The following USP24 variants were observed in gnomAD, a reference collection of about 807,000 sequenced individuals.
USP24 encodes ubiquitin specific peptidase 24, also known as ubiquitin carboxyl-terminal hydrolase 24.
Under a neutral mutation model 361.6 loss-of-function variants are expected in USP24, and 97 were observed. The ratio of observed to expected loss-of-function variants is 0.27; its 90% confidence interval spans 0.23 to 0.32. The LOEUF is 0.32. Among genes scored for constraint, USP24 ranks in the 10% least tolerant of loss-of-function variants. The probability of loss-of-function intolerance (pLI) is 1.00; values close to 1 mark genes in which losing one functional copy is unlikely to be tolerated. For synonymous variants in USP24, 1,098 were observed against 1,124.6 expected, an observed-to-expected ratio of 0.98 and a Z score of 0.47; for missense variants, 2,353 against 3,165.6, an observed-to-expected ratio of 0.74 and a Z score of 6.16.
Position 55,107,361 on chromosome 1 carries a change from T to C in USP24, c.4640A>G (p.Asn1547Ser), listed in dbSNP as rs1221205318. 2 of 1,613,900 alleles carry C rather than the reference T, an allele frequency of 1.2e-6. No homozygotes were observed. Among genetic ancestry groups the C allele is most frequent in the Admixed American group, 3.3e-5 (2 of 60,006 alleles). ...MLEDEITWLD[N>S]FEPNRTAECE... ...TTCAGCTGTACGATTAGGTTCAAAG[T>C]TATCCAGCCAAGTAATCTCATCTTC... Residue 1547 changes from asparagine (N) to serine (S), a missense_variant, in exon 40 of 68, where the codon AAC becomes AGC. By Grantham distance (46) the Asn-to-Ser change is conservative (BLOSUM62 1). Coordinates refer to ENST00000294383, the MANE Select transcript of USP24 (RefSeq NM_015306.3).
intron 54 of USP24, among the ~76,000 whole-genome samples, chr1:55,090,521 A>AT (rs776512909): frequency 5.3e-5 from 8 of 152,168 alleles, no homozygotes; most frequent in Non-Finnish European, 1.2e-4. Context: ...GTCACTATAT[A>AT]TTTTTTCTGA....
At position 55,101,720 on chromosome 1, in the gene USP24, T is replaced by A; in HGVS notation, c.5026-17A>T. The A allele has an allele frequency of 6.3e-7, 1 of 1,589,884 alleles. No homozygotes were observed. The highest frequency in any genetic ancestry group is 8.5e-7 in the Non-Finnish European group (1 of 1,170,474). On this transcript the variant is annotated splice_polypyrimidine_tract_variant and intron_variant, in intron 42 of 67. Transcript: ENST00000294383. ...GGGAAGGTACTGGAAAAGAGAGGAATAGAAACAGCAGAGGAGAAGAATGAG... is the reference window on the plus strand; with the variant it reads ...GGGAAGGTACTGGAAAAGAGAGGAAAAGAAACAGCAGAGGAGAAGAATGAG...
chr1:55,109,670 A>G (rs752487841), intron 39 of USP24, among the ~76,000 whole-genome samples: 83 of 152,210 alleles, frequency 5.5e-4, no homozygotes, highest in Non-Finnish European at 1.5e-4. Context: ...TAACAAACTC[A>G]TGATCTGAAC....
rs1645535892 is a variant in USP24 at position 55,097,936 on chromosome 1, A to G, written c.5595+7T>C. The G allele has an allele frequency of 6.3e-7, 1 of 1,590,272 alleles. No homozygotes were observed. The highest frequency in any genetic ancestry group is 2.2e-5 in the East Asian group (1 of 44,720). On this transcript the variant is annotated splice_region_variant and intron_variant, in intron 47 of 67. Transcript: ENST00000294383. ...ATCTTGTTTTTTAAAAAGGGCAAAC[A>G]TAATACCTTTTCTTTACACTTTTCA...
At chr1:55,138,769 A>G in intron 25 of USP24, 51 bp from the exon 26 acceptor site, 1 of 1,405,520 alleles carries the variant, frequency 7.1e-7, no homozygotes, top group Admixed American at 1.9e-5. Context: ...TGATAAACAC[A>G]TCAAAAATAC....
At chr1:55,206,710 C>CAAA in intron 1 of USP24, among the ~76,000 whole-genome samples, 1 of 140,126 alleles carries the variant, frequency 7.1e-6, no homozygotes, top group South Asian at 2.2e-4. Context: ...AGAGTAGTAA[C>CAAA]AGTGAGGATA....
intron 41 of USP24, among the ~76,000 whole-genome samples, 186 bp downstream of exon 41, chr1:55,105,960 G>A (rs1012698566): frequency 7.2e-5 from 11 of 152,098 alleles, no homozygotes; most frequent in African/African-American, 2.4e-4. Context: ...CACTTGCTCC[G>A]TGCTTACTAT....
chr1:55,099,937 A>G, intron 44 of USP24, 68 bp from the exon 45 acceptor site: 1 of 1,136,806 alleles, frequency 8.8e-7, no homozygotes, highest in Non-Finnish European at 1.3e-6. Context: ...GAAAGGGAAC[A>G]TGAAAGAGCA....
Position 55,110,370 on chromosome 1 carries a change from T to A in USP24, c.4509-124A>T, listed in dbSNP as rs1570429667. 5.8e-6 allele frequency: 4 copies of A among 692,560 alleles called. No homozygotes were observed. In the East Asian group the frequency reaches 1.2e-4, roughly 20 times the overall value. The allele number at this position is 692,560 out of a possible 1,614,324, so 42.9% of individuals were successfully genotyped here. On this transcript the variant is annotated intron_variant, in intron 38 of 67. Coordinates refer to ENST00000294383, the MANE Select transcript of USP24 (RefSeq NM_015306.3). The stretch of plus-strand genomic sequence containing the variant: ...TAATTTTGGTAAGCATAACTACTTT[T>A]ATATTAACTCAAATTCCATATTTTA...
chr1:55,160,602 T>C (rs1357116997), intron 8 of USP24, among the ~76,000 whole-genome samples: 1 of 152,238 alleles, frequency 6.6e-6, no homozygotes, highest in Admixed American at 6.5e-5. Context: ...TATTGCTGAA[T>C]GAATTTAATT....
At position 55,083,282 on chromosome 1, in the gene USP24, T is replaced by C. The variant is rs1371681878; in HGVS notation, c.6965A>G (p.Gln2322Arg). The C allele has an allele frequency of 5.0e-6, 8 of 1,613,598 alleles. No homozygotes were observed. The highest frequency in any genetic ancestry group is 4.0e-5 in the African/African-American group (3 of 74,908). Residue 2322 changes from glutamine (Q) to arginine (R), a missense_variant, in exon 58 of 68, where the codon CAA becomes CGA. By Grantham distance (43) the Gln-to-Arg change is conservative (BLOSUM62 1). Around this residue, in one of 8 missense-constraint regions of USP24, gnomAD observed 598 missense variants for 761.9 expected, o/e 0.78. Transcript: ENST00000294383. ...MISFLLGASR[Q>R]NNQIRRWSSA... is the part of the protein sequence containing the mutation. ...AAAAGTAGTCCTTACCTGATTGTTT[T>C]GCCGACTGGCCCCTAGGAGGAAGCT...
At chr1:55,099,431 A>G (rs1372702942) in intron 45 of USP24, among the ~76,000 whole-genome samples, 49 of 151,764 alleles carry the variant, frequency 3.2e-4, no homozygotes, top group Admixed American at 3.2e-3. Flanking sequence ...GGTGGTGCAC[A>G]CCTGTGATCC....
intron 8 of USP24, among the ~76,000 whole-genome samples, chr1:55,160,632 T>C (rs761033759): frequency 2.6e-5 from 4 of 152,202 alleles, no homozygotes; most frequent in African/African-American, 4.8e-5. Flanking sequence ...TTGACATAAT[T>C]AAAATAAAGA....
intron 51 of USP24, among the ~76,000 whole-genome samples, 199 bp downstream of exon 51, chr1:55,095,055 TG>T (rs1645465631): frequency 6.6e-6 from 1 of 152,218 alleles, no homozygotes; most frequent in East Asian, 1.9e-4. Context: ...ATAACTTACG[TG>T]CATGTTTCTA....
chr1:55,156,128 G>A (rs1017005814), intron 12 of USP24, among the ~76,000 whole-genome samples: 2 of 152,108 alleles, frequency 1.3e-5, no homozygotes, highest in African/African-American at 4.8e-5. Flanking sequence ...CCAACTAGAT[G>A]AAGAATAATA....
chr1:55,138,688 G>A lies in USP24; in HGVS notation c.2848C>T (p.Pro950Ser). 1 of 1,612,934 alleles carries A rather than the reference G, an allele frequency of 6.2e-7. No homozygotes were observed. Among genetic ancestry groups the A allele is most frequent in the Non-Finnish European group, 8.5e-7 (1 of 1,179,376 alleles). The change falls in exon 26 of 68, where the codon CCT (proline) becomes TCT (serine). Residue 950 changes from proline (P) to serine (S), a missense_variant. This residue lies in a region of USP24 where 949 missense variants were observed against 1,280.5 expected (regional missense o/e 0.74). Coordinates refer to ENST00000294383, the MANE Select transcript of USP24 (RefSeq NM_015306.3). ...DFYSVPRTIL[P>S]HGASFHGHLL... The stretch of plus-strand genomic sequence containing the variant: ...TGTCCATGAAATGAGGCACCATGAG[G>A]TAGAATAGTTCGTGGAACAGAGTAA...
intron 66 of USP24, 30 bp from the exon 67 acceptor site, chr1:55,071,954 A>C: frequency 6.4e-7 from 1 of 1,573,954 alleles, no homozygotes; most frequent in Non-Finnish European, 8.7e-7. Context: ...AAGACGACAA[A>C]GTTAGGGCCC....
chr1:55,105,406 G>C (rs560055491), intron 41 of USP24, among the ~76,000 whole-genome samples: 2 of 152,056 alleles, frequency 1.3e-5, no homozygotes, highest in Non-Finnish European at 2.9e-5. Context: ...ATACCTCTTA[G>C]GATTCCACAA....
rs1163013558 is a variant in USP24, at chr1:55,078,592, C to T, written c.7260G>A (p.Val2420=). 18 of 1,612,182 alleles carry T rather than the reference C, an allele frequency of 1.1e-5. No homozygotes were observed. Among genetic ancestry groups the T allele is most frequent in the Admixed American group, 1.7e-5 (1 of 59,704 alleles). Residue 2420 remains valine, a synonymous_variant, in exon 61 of 68, where the codon GTG becomes GTA. Coordinates refer to ENST00000294383, the MANE Select transcript of USP24 (RefSeq NM_015306.3). ...GSLLALIEMV[V]YCCFCNEHFS... Reference sequence around the variant, plus strand: ...AATGCTCATTACAGAAACAGCAGTACACTACCATCTCAATGAGTGCCAAGA... The same window carrying T: ...AATGCTCATTACAGAAACAGCAGTATACTACCATCTCAATGAGTGCCAAGA...
Sources: gnomAD v4.1 joint callset for allele counts (sites outside exome capture counted in the v4.1 genomes callset) on GRCh38, gnomAD v4.1.1 for gene constraint, gnomAD v4.1.1 regional missense constraint, MANE v1.5 for transcripts, NCBI Gene and HGNC (gene_info 2026-07-23, HGNC 2026-07-21) for gene names.